Variants in WDR45B observed in about 807,000 individuals in gnomAD.
WDR45B encodes WD repeat domain 45B.
In WDR45B, 20 loss-of-function variants were observed where a neutral mutation model predicts 44.6. The observed-to-expected ratio is 0.45, with a 90% CI of 0.32 to 0.65. The LOEUF (loss-of-function observed/expected upper bound fraction) is 0.65, where lower values mean the gene tolerates loss of function less well. Ranked by LOEUF, WDR45B falls within the 30% of genes least tolerant of loss-of-function variation. The pLI is 0.05. For missense variants in WDR45B, 323 were observed against 430.2 expected, an observed-to-expected ratio of 0.75 and a Z score of 2.20; for synonymous variants, 169 against 164.9, an observed-to-expected ratio of 1.02 and a Z score of -0.19.
chr17:82,630,119 T>C (rs530682026), intron 3 of WDR45B, among the ~76,000 whole-genome samples: 1 of 152,118 alleles, frequency 6.6e-6, no homozygotes, highest in Non-Finnish European at 1.5e-5. Context: ...CCACTTTTCC[T>C]GCCTCTCCCC....
intron 2 of WDR45B, among the ~76,000 whole-genome samples, chr17:82,639,551 T>A (rs2171212): frequency 0.42 from 63,265 of 151,540 alleles, 13,488 homozygotes; most frequent in East Asian, 0.54. Flanking sequence ...TACCTACACA[T>A]TGCAGGCCTC....
chr17:82,617,367 G>T lies in WDR45B; in HGVS notation c.735C>A (p.Ile245=). 2 of 1,614,160 alleles carry T rather than the reference G, an allele frequency of 1.2e-6. No homozygotes were observed. Among genetic ancestry groups the T allele is most frequent in the Non-Finnish European group, 1.7e-6 (2 of 1,180,018 alleles). ...CINFNQDASL[I]CVSSDHGTVH... ...CTGTGCCGTGGTCGCTGGATACGCA[G>T]ATGAGGGACGCATCCTGATTGAAGT... Residue 245 remains isoleucine, a synonymous_variant, in exon 8 of 10, where the codon ATC becomes ATA. Coordinates refer to ENST00000392325, the MANE Select transcript of WDR45B (RefSeq NM_019613.4).
rs140316325 is a variant in WDR45B at position 82,631,038 on chromosome 17, T to C, written c.143-16A>G. ...TCTAGAAATTCTGAAATGATAGTTT[T>C]AAAAAGACCAATGTTACAAGTTAAT... On this transcript the variant is annotated splice_polypyrimidine_tract_variant and intron_variant, in intron 2 of 9. Transcript: ENST00000392325. 4.4e-6 allele frequency: 7 copies of C among 1,604,696 alleles called. No individual in the cohort carries two copies. The highest frequency in any genetic ancestry group is 6.0e-6 in the Non-Finnish European group (7 of 1,171,616).
Position 82,616,122 on chromosome 17 carries a change from C to G in WDR45B, c.929-97G>C, listed in dbSNP as rs527615748. Reference sequence around the variant, plus strand: ...CTGAACTGCAAAGGGCCTCTTGGAGCCAGGCAGCTGCTCTGAAAGCCCTGA... The same window carrying G: ...CTGAACTGCAAAGGGCCTCTTGGAGGCAGGCAGCTGCTCTGAAAGCCCTGA... On this transcript the variant is annotated intron_variant, in intron 9 of 9. Transcript: ENST00000392325. The G allele has an allele frequency of 1.4e-4, 162 of 1,170,988 alleles. 4 individuals are homozygous for G. The South Asian group carries it at 1.9e-3, about 14-fold the overall frequency. 72.5% of individuals were successfully genotyped at this position (1,170,988 alleles called of 1,614,324 possible).
chr17:82,630,177 C>A (rs994701934), intron 3 of WDR45B, among the ~76,000 whole-genome samples: 1 of 152,168 alleles, frequency 6.6e-6, no homozygotes, highest in African/African-American at 2.4e-5. Flanking sequence ...TGTCTCTTCA[C>A]TCACCTCATG....
At chr17:82,618,373 G>A (rs186563745) in intron 7 of WDR45B, among the ~76,000 whole-genome samples, 2 of 152,374 alleles carry the variant, frequency 1.3e-5, no homozygotes, top group Admixed American at 1.3e-4. Flanking sequence ...GGGGCTGTAG[G>A]GACACCACTG....
intron 1 of WDR45B, among the ~76,000 whole-genome samples, chr17:82,647,904 C>G (rs1174361323): frequency 6.6e-6 from 1 of 151,226 alleles, no homozygotes; most frequent in African/African-American, 2.4e-5. Context: ...CCGCAGGGAG[C>G]CAGGGAACCC....
At chr17:82,628,950 G>C (rs369838102) in intron 3 of WDR45B, among the ~76,000 whole-genome samples, 1 of 151,492 alleles carries the variant, frequency 6.6e-6, no homozygotes. Context: ...CAGTGAGCCA[G>C]GACTGCGCAA....
rs184440716 is a variant in WDR45B at position 82,628,399 on chromosome 17, G to A, written c.245-1108C>T. On this transcript the variant is annotated intron_variant, in intron 3 of 9. Coordinates refer to ENST00000392325, the MANE Select transcript of WDR45B (RefSeq NM_019613.4). ...TTTGTGTTCTAAGGGCTAATGTACCGACAAGCTTTAGGGATGAGAATGCCA... is the reference window on the plus strand; with the variant it reads ...TTTGTGTTCTAAGGGCTAATGTACCAACAAGCTTTAGGGATGAGAATGCCA... Among the ~76,000 whole-genome samples, 47 of 151,918 alleles carry A rather than the reference G, an allele frequency of 3.1e-4. No individual in the cohort carries two copies. In the East Asian group the frequency reaches 6.6e-3, roughly 21 times the overall value.
At chr17:82,635,613 G>C (rs771612243) in intron 2 of WDR45B, among the ~76,000 whole-genome samples, 2 of 151,504 alleles carry the variant, frequency 1.3e-5, no homozygotes, top group Non-Finnish European at 2.9e-5. Flanking sequence ...AGTAGAGACG[G>C]CGTTTCACCA....
Position 82,628,825 on chromosome 17 carries a change from C to T in WDR45B, c.245-1534G>A, listed in dbSNP as rs113411502. Among the ~76,000 whole-genome samples, 421 of 152,130 alleles carry T rather than the reference C, an allele frequency of 2.8e-3. 3 individuals carry two copies. The highest frequency in any genetic ancestry group is 9.6e-3 in the African/African-American group (400 of 41,480). On this transcript the variant is annotated intron_variant, in intron 3 of 9. Transcript: ENST00000392325. ...GACCAGCGTGGGCAACATGTGGAAACGCCGTCTCTACTAAAAACACAAAAG... is the reference window on the plus strand; with the variant it reads ...GACCAGCGTGGGCAACATGTGGAAATGCCGTCTCTACTAAAAACACAAAAG...
In WDR45B at chr17:82,615,188, CG is replaced by C. The variant is rs1287519694; in HGVS notation, c.*730del. 1.3e-5 allele frequency: 2 copies of C among 152,858 alleles called. No individual in the cohort carries two copies. The highest frequency in any genetic ancestry group is 4.8e-5 in the African/African-American group (2 of 41,480). The allele number at this position is 152,858 out of a possible 1,614,324, so 9.5% of individuals were successfully genotyped here. On this transcript the variant is annotated 3_prime_UTR_variant, in exon 10 of 10. Transcript: ENST00000392325. The stretch of plus-strand genomic sequence containing the variant: ...ACCAGGAGACCCCCCGTCCCCGCCC[CG>C]CACACGCCTGAGGTGTGACGGCTCG...
chr17:82,638,908 C>A (rs1422824940), intron 2 of WDR45B, among the ~76,000 whole-genome samples: 1 of 151,902 alleles, frequency 6.6e-6, no homozygotes, highest in Non-Finnish European at 1.5e-5. Context: ...CTGTAACCTC[C>A]GCCTCCTGGG....
intron 5 of WDR45B, among the ~76,000 whole-genome samples, chr17:82,623,993 T>C (rs942353859): frequency 6.6e-6 from 1 of 151,214 alleles, no homozygotes; most frequent in African/African-American, 2.4e-5. Flanking sequence ...CTCTGGAAAA[T>C]AAACGGCCGC....
intron 1 of WDR45B, among the ~76,000 whole-genome samples, chr17:82,646,668 T>C (rs1004913684): frequency 6.6e-6 from 1 of 152,118 alleles, no homozygotes; most frequent in Non-Finnish European, 1.5e-5. Flanking sequence ...TAGTGACAGG[T>C]GTGTAGTTTG....
At chr17:82,628,648 G>C (rs1463119455) in intron 3 of WDR45B, among the ~76,000 whole-genome samples, 1 of 152,030 alleles carries the variant, frequency 6.6e-6, no homozygotes, top group East Asian at 1.9e-4. Context: ...AGTGAGCTAT[G>C]ATCACCCCAC....
intron 2 of WDR45B, among the ~76,000 whole-genome samples, chr17:82,639,506 C>G (rs2045881009): frequency 6.6e-6 from 1 of 152,062 alleles, no homozygotes; most frequent in Admixed American, 6.5e-5. Flanking sequence ...CTACCCACCA[C>G]CTCTGTGTCC....
chr17:82,630,308 ACCTCCCG>A (rs2045750933), intron 3 of WDR45B, among the ~76,000 whole-genome samples: 3 of 83,190 alleles, frequency 3.6e-5, no homozygotes, highest in Middle Eastern at 0.012. Context: ...CACCCAGCCT[ACCTCCCG>A]CCTCCCACCT....
intron 2 of WDR45B, among the ~76,000 whole-genome samples, chr17:82,642,923 T>G (rs1331837114): frequency 6.6e-6 from 1 of 152,234 alleles, no homozygotes; most frequent in Non-Finnish European, 1.5e-5. Flanking sequence ...CAAGTCAAGC[T>G]GTTTTAAAAT....
Sources: gnomAD v4.1 joint callset for allele counts (sites outside exome capture counted in the v4.1 genomes callset) on GRCh38, gnomAD v4.1.1 for gene constraint, MANE v1.5 for transcripts, NCBI Gene and HGNC (gene_info 2026-07-23, HGNC 2026-07-21) for gene names.